The following DGKK variants were observed in gnomAD, a reference collection of about 807,000 sequenced individuals.
DGKK encodes the protein diacylglycerol kinase kappa, also known as 142 kDa diacylglycerol kinase.
A neutral mutation model predicts 92.2 loss-of-function variants in DGKK; 35 were observed. The observed-to-expected ratio is 0.38, with a 90% confidence interval of 0.29 to 0.50. DGKK has a LOEUF of 0.50. Ranked by LOEUF, DGKK falls within the 20% of genes least tolerant of loss-of-function variation. The probability of loss-of-function intolerance (pLI) is 0.92; values close to 1 mark genes in which losing one functional copy is unlikely to be tolerated. For synonymous variants in DGKK, 368 were observed against 360.6 expected, an observed-to-expected ratio of 1.02 and a Z score of -0.23; for missense variants, 910 against 992.2, an observed-to-expected ratio of 0.92 and a Z score of 1.11.
chrX:50,407,475 CAGAGAGAGAGAGAGAGAAGAAAGAA>C (rs1173951861), intron 4 of DGKK, among the ~76,000 whole-genome samples: 1 of 107,907 alleles, frequency 9.3e-6, no homozygotes, highest in Non-Finnish European at 1.9e-5. Flanking sequence ...CGTGTGCATG[CAGAGAGAGAGAGAGAGAAGAAAGAA>C]AGAGAGAGAG....
At chrX:50,430,383 G>T (rs1231877484) in intron 1 of DGKK, among the ~76,000 whole-genome samples, 1 of 111,985 alleles carries the variant, frequency 8.9e-6, no homozygotes, top group African/African-American at 3.2e-5. Context: ...CACACTGCAG[G>T]CAGGGTTCCT....
At chrX:50,402,081 C>T (rs1260600827) in intron 7 of DGKK, among the ~76,000 whole-genome samples, 4 of 111,284 alleles carry the variant, frequency 3.6e-5, no homozygotes, top group East Asian at 2.8e-4. Context: ...CAGTTGAGGA[C>T]CACTGGTTTA....
At chrX:50,440,180 C>G (rs189074889) in intron 1 of DGKK, among the ~76,000 whole-genome samples, 1 of 111,947 alleles carries the variant, frequency 8.9e-6, no homozygotes, top group East Asian at 2.8e-4. Flanking sequence ...AACGTAGTTT[C>G]AAGAGCTGCT....
intron 1 of DGKK, among the ~76,000 whole-genome samples, chrX:50,425,500 T>G (rs1925714888): frequency 9.1e-6 from 1 of 110,296 alleles, no homozygotes; most frequent in Non-Finnish European, 1.9e-5. Flanking sequence ...ATCTAAACAG[T>G]TATTTGCCAT....
intron 1 of DGKK, among the ~76,000 whole-genome samples, chrX:50,426,508 T>C (rs1557229745): frequency 9.0e-6 from 1 of 111,567 alleles, no homozygotes; most frequent in African/African-American, 3.3e-5. Flanking sequence ...GTTCCTATTT[T>C]ATCTGCCTGT....
intron 25 of DGKK, among the ~76,000 whole-genome samples, chrX:50,374,624 G>A (rs782200006): frequency 3.6e-5 from 4 of 111,316 alleles, no homozygotes; most frequent in Non-Finnish European, 7.5e-5. Flanking sequence ...GAGGCATGTA[G>A]AAACTTGGGA....
rs1160098962 is a variant in DGKK, at chrX:50,366,781, G to A, written c.*2159C>T. ...GGTGTCAATGCATGCAGCCATAGAG[G>A]AGCCAAGTCAGGCTGCAATAGTGAG... On this transcript the variant is annotated 3_prime_UTR_variant, in exon 28 of 28. Transcript: ENST00000611977. 9.0e-6 allele frequency: 1 copy of A among 111,614 alleles called. No homozygotes were observed. Among genetic ancestry groups the A allele is most frequent in the Non-Finnish European group, 1.9e-5 (1 of 53,199 alleles). 9.2% of individuals were successfully genotyped at this position (111,614 alleles called of 1,213,427 possible).
chrX:50,418,622 G>A (rs1557228799), intron 4 of DGKK, among the ~76,000 whole-genome samples: 2 of 111,857 alleles, frequency 1.8e-5, no homozygotes. Flanking sequence ...TAAGATGCTG[G>A]TGCCGAGACG....
At chrX:50,392,256 C>T (rs782127954) in intron 10 of DGKK, 85 bp downstream of exon 10, 11 of 694,244 alleles carry the variant, frequency 1.6e-5, no homozygotes, top group East Asian at 1.0e-4. Flanking sequence ...ACAGGGAGGG[C>T]GAAGACTTGG....
At chrX:50,401,792 G>A (rs1050957686) in intron 7 of DGKK, among the ~76,000 whole-genome samples, 2 of 110,697 alleles carry the variant, frequency 1.8e-5, no homozygotes, top group Non-Finnish European at 3.8e-5. Flanking sequence ...CTAAGAAGAA[G>A]CCCATACTTC....
chrX:50,459,725 G>A (rs1452697487), intron 1 of DGKK, among the ~76,000 whole-genome samples: 1 of 111,462 alleles, frequency 9.0e-6, no homozygotes, highest in Non-Finnish European at 1.9e-5. Context: ...GTTTGCACTA[G>A]AGGTGAGGTA....
At chrX:50,392,245 G>A (rs781785742) in intron 10 of DGKK, 96 bp downstream of exon 10, 1 of 605,596 alleles carries the variant, frequency 1.7e-6, no homozygotes, top group African/African-American at 2.2e-5. Flanking sequence ...ATATTTTACA[G>A]ACAGGGAGGG....
chrX:50,444,049 A>G (rs1926230028), intron 1 of DGKK, among the ~76,000 whole-genome samples: 1 of 111,193 alleles, frequency 9.0e-6, no homozygotes, highest in Non-Finnish European at 1.9e-5. Flanking sequence ...CATGATAAGA[A>G]TGTGCCATGG....
rs782058194 is a variant in DGKK at position 50,391,620 on chromosome X, C to G, written c.1705-44G>C. 8.4e-6 allele frequency: 10 copies of G among 1,192,361 alleles called. No individual in the cohort carries two copies. In the South Asian group the frequency reaches 1.8e-4, roughly 22 times the overall value. Reference sequence around the variant, plus strand: ...ACACCCTTTTCAGACAGTCTTTCTACCAAGCTTCACCCATGAAGGAACCCA... The same window carrying G: ...ACACCCTTTTCAGACAGTCTTTCTAGCAAGCTTCACCCATGAAGGAACCCA... On this transcript the variant is annotated intron_variant, in intron 10 of 27. Transcript: ENST00000611977.
At chrX:50,394,858 A>G (rs1369778113) in intron 8 of DGKK, among the ~76,000 whole-genome samples, 1 of 111,881 alleles carries the variant, frequency 8.9e-6, no homozygotes, top group East Asian at 2.8e-4. Flanking sequence ...GGCTTCTTTC[A>G]GGAGGTGACA....
Position 50,402,834 on chromosome X carries a change from A to G in DGKK, c.1308+227T>C, listed in dbSNP as rs1557226782. 3.6e-5 allele frequency among the ~76,000 whole-genome samples: 4 copies of G among 111,609 alleles called. No homozygotes were observed. In the South Asian group the frequency reaches 1.5e-3, roughly 43 times the overall value. ...CTTTTCCCATTTGTTAGTAGGCCTC[A>G]CCAATTAAGAAGCAACAAAGATGGT... On this transcript the variant is annotated intron_variant, in intron 7 of 27. Coordinates refer to ENST00000611977, the MANE Select transcript of DGKK (RefSeq NM_001013742.4).
chrX:50,396,368 G>A (rs782512017), intron 8 of DGKK, among the ~76,000 whole-genome samples: 2 of 111,910 alleles, frequency 1.8e-5, no homozygotes, highest in African/African-American at 3.3e-5. Context: ...GAAGATCAGA[G>A]AAAAGATAGC....
intron 12 of DGKK, among the ~76,000 whole-genome samples, chrX:50,389,823 GT>G (rs1924639823): frequency 1.8e-5 from 2 of 110,311 alleles, no homozygotes; most frequent in Non-Finnish European, 3.8e-5. Flanking sequence ...TGTTCCATCT[GT>G]GTGGAACAGC....
chrX:50,454,054 C>G (rs1557232664), intron 1 of DGKK, among the ~76,000 whole-genome samples: 1 of 110,071 alleles, frequency 9.1e-6, no homozygotes, highest in Admixed American at 9.7e-5. Context: ...TTTGCTCACA[C>G]CGTTTTGCTT....
Sources: allele counts gnomAD v4.1 joint callset (sites outside exome capture counted in the v4.1 genomes callset), GRCh38; gene constraint gnomAD v4.1.1; transcripts MANE v1.5; gene names NCBI Gene and HGNC (gene_info 2026-07-23, HGNC 2026-07-21).